The following RORA variants were observed in gnomAD, a reference collection of about 807,000 sequenced individuals.
The protein encoded by RORA is nuclear receptor ROR-alpha.
Under a neutral mutation model 69.5 loss-of-function variants are expected in RORA, and 7 were observed. That is an observed-to-expected ratio of 0.10 (90% confidence interval 0.06 to 0.19). The LOEUF is 0.19. Ranked by LOEUF, RORA falls within the 10% of genes least tolerant of loss-of-function variation. RORA has a pLI of 1.00. For synonymous variants in RORA, 261 were observed against 240.8 expected (o/e 1.08, Z -0.78); for missense variants, 457 against 663.0 (o/e 0.69, Z 3.41).
At chr15:61,218,664 CTAATA>C (rs2080063984) in intron 1 of RORA, among the ~76,000 whole-genome samples, 1 of 122,768 alleles carries the variant, frequency 8.1e-6, no homozygotes, top group Non-Finnish European at 1.7e-5. Context: ...AGTTAATTTA[CTAATA>C]TAACTCACAC....
chr15:61,117,848 A>C (rs2079064477), intron 1 of RORA, among the ~76,000 whole-genome samples: 1 of 152,258 alleles, frequency 6.6e-6, no homozygotes, highest in Non-Finnish European at 1.5e-5. Flanking sequence ...ATATTTTAAC[A>C]CAGAAAGATA....
At chr15:60,875,150 C>A (rs556893823) in intron 1 of RORA, among the ~76,000 whole-genome samples, 3 of 152,258 alleles carry the variant, frequency 2.0e-5, no homozygotes, top group Admixed American at 2.0e-4. Flanking sequence ...GGAATGTAAT[C>A]CTACAAAGTT....
intron 1 of RORA, among the ~76,000 whole-genome samples, chr15:61,043,840 C>T (rs761847092): frequency 2.6e-5 from 4 of 152,094 alleles, no homozygotes; most frequent in Admixed American, 1.3e-4. Context: ...TTGGCTGGTA[C>T]GACAGGTGGT....
At chr15:60,838,741 AGT>A (rs1228983152) in intron 1 of RORA, among the ~76,000 whole-genome samples, 2 of 151,882 alleles carry the variant, frequency 1.3e-5, no homozygotes, top group African/African-American at 4.8e-5. Context: ...TAAAAACTTC[AGT>A]GTCTTCTGGG....
chr15:61,128,391 C>T lies in RORA; in HGVS notation c.166+100662G>A, dbSNP rs1295221008. Among the ~76,000 whole-genome samples the T allele has an allele frequency of 6.6e-6, 1 of 152,100 alleles. No individual in the cohort carries two copies. The highest frequency in any genetic ancestry group is 1.9e-4 in the East Asian group (1 of 5,190). On this transcript the variant is annotated intron_variant, in intron 1 of 10. Transcript: ENST00000335670. The surrounding 1 kb of genome is among the most constrained non-coding windows in gnomAD (Gnocchi z 4.5). Reference sequence around the variant, plus strand: ...CTTAAAATCAGTCACATGAAATGTGCAGGATCTCAAATGATGCTGTAATTC... The same window carrying T: ...CTTAAAATCAGTCACATGAAATGTGTAGGATCTCAAATGATGCTGTAATTC...
rs182700240 is a variant in RORA, at chr15:61,160,795, G to A, written c.166+68258C>T. Among the ~76,000 whole-genome samples the A allele has an allele frequency of 3.2e-3, 485 of 152,246 alleles. 1 individual carries two copies. The highest frequency in any genetic ancestry group is 0.011 in the African/African-American group (465 of 41,548). On this transcript the variant is annotated intron_variant, in intron 1 of 10. Coordinates refer to ENST00000335670, the MANE Select transcript of RORA (RefSeq NM_134261.3). Reference sequence around the variant, plus strand: ...TATGAAGAGAGCTGTCTTCACAAACGAAGACATAAAAGTCACAATGCAGAG... The same window carrying A: ...TATGAAGAGAGCTGTCTTCACAAACAAAGACATAAAAGTCACAATGCAGAG...
intron 1 of RORA, among the ~76,000 whole-genome samples, chr15:61,200,253 A>C (rs956143329): frequency 2.6e-5 from 4 of 152,180 alleles, no homozygotes; most frequent in Non-Finnish European, 5.9e-5. Context: ...CTAGAAAGCT[A>C]TATGGGGCTT....
chr15:61,210,075 T>G lies in RORA; in HGVS notation c.166+18978A>C, dbSNP rs572152761. Among the ~76,000 whole-genome samples the G allele has an allele frequency of 1.5e-4, 23 of 152,332 alleles. 1 individual carries two copies. The East Asian group carries it at 4.2e-3, about 28-fold the overall frequency. On this transcript the variant is annotated intron_variant, in intron 1 of 10. Transcript: ENST00000335670. ...AGGTCTCTGTGTGTACAGGGGCCAG[T>G]TGGACAGATGCTCCCGGGATGCTGA...
chr15:61,075,859 A>T (rs1044126706), intron 1 of RORA, among the ~76,000 whole-genome samples: 19 of 152,180 alleles, frequency 1.2e-4, no homozygotes, highest in Admixed American at 1.2e-3. Flanking sequence ...CCCTCAAGGC[A>T]AGAACTGTCC....
intron 1 of RORA, among the ~76,000 whole-genome samples, chr15:60,779,674 G>A (rs914651943): frequency 6.6e-6 from 1 of 152,216 alleles, no homozygotes; most frequent in African/African-American, 2.4e-5. Flanking sequence ...AGTCAAGCTG[G>A]TGGTCACTTT....
At chr15:60,636,449 C>T (rs186771452) in intron 2 of RORA, among the ~76,000 whole-genome samples, 197 of 152,172 alleles carry the variant, frequency 1.3e-3, no homozygotes, top group African/African-American at 4.5e-3. Flanking sequence ...AGCGAATCCC[C>T]GCCCCCCAAA....
intron 1 of RORA, among the ~76,000 whole-genome samples, chr15:60,805,816 C>A (rs2072652356): frequency 6.6e-6 from 1 of 152,214 alleles, no homozygotes; most frequent in South Asian, 2.1e-4. Context: ...ATTCTGCCAA[C>A]TAAGAGGGTC....
At chr15:60,597,926 C>T (rs545012049) in intron 2 of RORA, among the ~76,000 whole-genome samples, 132 of 151,948 alleles carry the variant, frequency 8.7e-4, no homozygotes, top group Non-Finnish European at 1.3e-3. Context: ...GCTTACTTCT[C>T]CAAGAAGCCT....
chr15:60,675,125 T>C (rs1188327287), intron 2 of RORA, among the ~76,000 whole-genome samples: 1 of 152,190 alleles, frequency 6.6e-6, no homozygotes. Flanking sequence ...TCTTGTAACG[T>C]TGTAGCAAAT....
At chr15:61,034,878 C>T (rs960714931) in intron 1 of RORA, among the ~76,000 whole-genome samples, 2 of 148,748 alleles carry the variant, frequency 1.3e-5, no homozygotes, top group Non-Finnish European at 3.0e-5. Context: ...AAATAAGCTA[C>T]GATCAAGGAG....
Position 61,213,514 on chromosome 15 carries a change from A to G in RORA, c.166+15539T>C, listed in dbSNP as rs1456673548. ...CTCCTCACCAGCATACTCTCAGGCC[A>G]AGCTACATCTCACTTATGTTACCTG... On this transcript the variant is annotated intron_variant, in intron 1 of 10. Coordinates refer to ENST00000335670, the MANE Select transcript of RORA (RefSeq NM_134261.3). This position sits in a 1 kb window ranked among gnomAD's most constrained non-coding sequence, Gnocchi z 4.1. Among the ~76,000 whole-genome samples, 1 of 152,144 alleles carries G rather than the reference A, an allele frequency of 6.6e-6. No homozygotes were observed. The highest frequency in any genetic ancestry group is 1.5e-5 in the Non-Finnish European group (1 of 68,036).
intron 1 of RORA, among the ~76,000 whole-genome samples, chr15:60,761,149 C>T (rs1043586687): frequency 4.6e-5 from 7 of 152,082 alleles, no homozygotes; most frequent in African/African-American, 1.7e-4. Flanking sequence ...TCTGCAGATT[C>T]CATGGGCGAC....
intron 2 of RORA, among the ~76,000 whole-genome samples, chr15:60,646,617 C>A (rs8033609): frequency 0.58 from 87,520 of 152,090 alleles, 25,453 homozygotes; most frequent in East Asian, 0.8. Context: ...TCCCCCAATA[C>A]TTTTGTTACT....
intron 1 of RORA, among the ~76,000 whole-genome samples, chr15:60,967,166 TATAG>T (rs1366171111): frequency 2.0e-5 from 3 of 152,246 alleles, no homozygotes; most frequent in Non-Finnish European, 4.4e-5. Context: ...TGTGTATGTA[TATAG>T]ATACTTAAAT....
Sources: allele counts gnomAD v4.1 joint callset (sites outside exome capture counted in the v4.1 genomes callset), GRCh38; gene constraint gnomAD v4.1.1; non-coding constraint Gnocchi (gnomAD v3.1); transcripts MANE v1.5; gene names NCBI Gene and HGNC (gene_info 2026-07-23, HGNC 2026-07-21).